Variants in GABPA observed in about 807,000 individuals in gnomAD.
GABPA encodes GA-binding protein alpha chain.
Under a neutral mutation model 59.4 loss-of-function variants are expected in GABPA, and 4 were observed. The ratio of observed to expected loss-of-function variants is 0.07; its 90% confidence interval spans 0.03 to 0.15. GABPA has a LOEUF of 0.15. Among genes scored for constraint, GABPA ranks in the 10% least tolerant of loss-of-function variants. The probability of loss-of-function intolerance (pLI) is 1.00; values close to 1 mark genes in which losing one functional copy is unlikely to be tolerated. For synonymous variants in GABPA, 164 were observed against 183.1 expected (o/e 0.90, Z 0.84); for missense variants, 251 against 543.8 (o/e 0.46, Z 5.36).
intron 4 of GABPA, 62 bp downstream of exon 4, chr21:25,749,182 TAA>T: frequency 9.8e-7 from 1 of 1,017,028 alleles, no homozygotes; most frequent in Non-Finnish European, 1.5e-6. Context: ...ATACAATTTA[TAA>T]GTTTTTAGGT....
chr21:25,737,028 A>G (rs2035088738), intron 1 of GABPA, among the ~76,000 whole-genome samples: 1 of 152,178 alleles, frequency 6.6e-6, no homozygotes, highest in Admixed American at 6.5e-5. Flanking sequence ...ACAATTCTCA[A>G]ATTTATCTGT....
chr21:25,770,502 C>G lies in GABPA; in HGVS notation c.*1270C>G, dbSNP rs930217889. The stretch of plus-strand genomic sequence containing the variant: ...AAATGTCTTTTTCTTTCTTTTCTCT[C>G]TTTGTTGTTTAAGGTATTAAGCACG... On this transcript the variant is annotated 3_prime_UTR_variant, in exon 10 of 10. Coordinates refer to ENST00000400075, the MANE Select transcript of GABPA (RefSeq NM_002040.4). 2 of 151,728 alleles carry G rather than the reference C, an allele frequency of 1.3e-5. No individual in the cohort carries two copies. Among genetic ancestry groups the G allele is most frequent in the African/African-American group, 2.4e-5 (1 of 41,420 alleles). The allele number at this position is 151,728 out of a possible 1,614,324, so 9.4% of individuals were successfully genotyped here. A position where few individuals can be genotyped will look rare whatever the true frequency, so the allele number is the denominator to read the frequency against.
At chr21:25,764,051 T>TCAG (rs2035829969) in intron 7 of GABPA, among the ~76,000 whole-genome samples, 159 bp from the exon 8 acceptor site, 1 of 152,190 alleles carries the variant, frequency 6.6e-6, no homozygotes, top group Non-Finnish European at 1.5e-5. Flanking sequence ...ACTTTTTTGT[T>TCAG]ATTTTGTTTG....
At chr21:25,758,899 A>G (rs906406257) in intron 6 of GABPA, among the ~76,000 whole-genome samples, 1 of 152,104 alleles carries the variant, frequency 6.6e-6, no homozygotes, top group African/African-American at 2.4e-5. Flanking sequence ...GTGAAACCCC[A>G]TCTCCACTAA....
At chr21:25,739,177 A>G (rs1196893363) in intron 1 of GABPA, among the ~76,000 whole-genome samples, 1 of 152,208 alleles carries the variant, frequency 6.6e-6, no homozygotes, top group Non-Finnish European at 1.5e-5. Context: ...AAATTAGATC[A>G]TTTTGTATCA....
At chr21:25,768,373 A>G (rs1011056905) in intron 9 of GABPA, among the ~76,000 whole-genome samples, 4 of 152,090 alleles carry the variant, frequency 2.6e-5, no homozygotes, top group Non-Finnish European at 4.4e-5. Context: ...AATAATAAAG[A>G]TGAAGACATG....
In GABPA at chr21:25,769,445, A is replaced by G; in HGVS notation, c.*213A>G. ...TATGTGTATGTTAAAGGATCTCCAC[A>G]ATGTCTGCAGTGTGAAGGCAGGTTC... On this transcript the variant is annotated 3_prime_UTR_variant, in exon 10 of 10. Transcript: ENST00000400075. 2.0e-6 allele frequency: 1 copy of G among 490,496 alleles called. No individual in the cohort carries two copies. The highest frequency in any genetic ancestry group is 3.7e-6 in the Non-Finnish European group (1 of 272,418). 30.4% of individuals were successfully genotyped at this position (490,496 alleles called of 1,614,324 possible). A position where few individuals can be genotyped will look rare whatever the true frequency, so the allele number is the denominator to read the frequency against.
intron 2 of GABPA, among the ~76,000 whole-genome samples, chr21:25,744,929 G>C (rs1366223957): frequency 6.6e-6 from 1 of 152,032 alleles, no homozygotes; most frequent in African/African-American, 2.4e-5. Context: ...TAATGTATGT[G>C]CAATGTTTAT....
chr21:25,760,423 ATC>A (rs879866081), intron 6 of GABPA, among the ~76,000 whole-genome samples: 1 of 152,090 alleles, frequency 6.6e-6, no homozygotes, highest in South Asian at 2.1e-4. Flanking sequence ...ATCCTCAGTG[ATC>A]TCTCAAGAAG....
chr21:25,764,615 C>A lies in GABPA; in HGVS notation c.964C>A (p.Leu322Ile), dbSNP rs1220301713. Residue 322 changes from leucine (L) to isoleucine (I), a missense_variant, in exon 9 of 10, where the codon CTA (leucine) becomes ATA (isoleucine). Transcript: ENST00000400075. ...NRTGNNGQIQ[L>I]WQFLLELLTD... ...TTTAGGAAACAATGGCCAAATCCAACTATGGCAGTTTTTGCTAGAACTTCT... is the reference window on the plus strand; with the variant it reads ...TTTAGGAAACAATGGCCAAATCCAAATATGGCAGTTTTTGCTAGAACTTCT... The A allele has an allele frequency of 6.2e-7, 1 of 1,611,944 alleles. No homozygotes were observed. The highest frequency in any genetic ancestry group is 1.3e-5 in the African/African-American group (1 of 74,818).
At chr21:25,767,385 G>A (rs1259302454) in intron 9 of GABPA, among the ~76,000 whole-genome samples, 3 of 151,678 alleles carry the variant, frequency 2.0e-5, no homozygotes, top group Non-Finnish European at 1.5e-5. Context: ...AAAGAGGGAA[G>A]AAAAGAAATC....
At chr21:25,760,410 T>C (rs1284281262) in intron 6 of GABPA, among the ~76,000 whole-genome samples, 2 of 152,132 alleles carry the variant, frequency 1.3e-5, no homozygotes, top group African/African-American at 2.4e-5. Flanking sequence ...GCCTCTATTA[T>C]CCATCCTCAG....
chr21:25,764,519 G>C, intron 8 of GABPA, 76 bp from the exon 9 acceptor site: 1 of 1,471,190 alleles, frequency 6.8e-7, no homozygotes, highest in South Asian at 1.2e-5. Context: ...TTTAAACCAC[G>C]GGACCAGTTT....
At chr21:25,753,101 A>G (rs1331685323) in intron 5 of GABPA, among the ~76,000 whole-genome samples, 2 of 152,222 alleles carry the variant, frequency 1.3e-5, no homozygotes, top group Non-Finnish European at 2.9e-5. Context: ...AGTGAACACT[A>G]CCGTACACCA....
intron 7 of GABPA, 50 bp downstream of exon 7, chr21:25,762,415 T>C: frequency 7.8e-7 from 1 of 1,281,064 alleles, no homozygotes; most frequent in Non-Finnish European, 1.1e-6. Flanking sequence ...AAATGTTTAT[T>C]TGATACCGCA....
At chr21:25,758,635 T>G (rs530942675) in intron 6 of GABPA, among the ~76,000 whole-genome samples, 8 of 152,234 alleles carry the variant, frequency 5.3e-5, no homozygotes, top group Non-Finnish European at 1.2e-4. Flanking sequence ...TACAGGTGGC[T>G]TCCTACCCAT....
At chr21:25,752,564 T>G (rs954491837) in intron 5 of GABPA, among the ~76,000 whole-genome samples, 2 of 152,176 alleles carry the variant, frequency 1.3e-5, no homozygotes, top group Non-Finnish European at 2.9e-5. Context: ...AGAAGTATGC[T>G]ATTGGAATCT....
intron 7 of GABPA, chr21:25,763,135 T>C: frequency 2.0e-6 from 1 of 497,458 alleles, no homozygotes; most frequent in South Asian, 1.7e-5. Flanking sequence ...CTTTTCCATC[T>C]TTTACCTCAT....
intron 6 of GABPA, among the ~76,000 whole-genome samples, chr21:25,762,092 G>A (rs751952276): frequency 2.8e-4 from 42 of 152,044 alleles, no homozygotes; most frequent in Non-Finnish European, 4.3e-4. Context: ...AAAGACATTG[G>A]AGCTTTTCCC....
Sources: allele counts gnomAD v4.1 joint callset (sites outside exome capture counted in the v4.1 genomes callset), GRCh38; gene constraint gnomAD v4.1.1; transcripts MANE v1.5; gene names NCBI Gene and HGNC (gene_info 2026-07-23, HGNC 2026-07-21).